Variants in LIPI observed in about 807,000 individuals in gnomAD.
The protein encoded by LIPI is lipase I, also known as lipase member I.
LIPI carries 59 observed loss-of-function variants against 50.6 expected under a neutral mutation model. The observed-to-expected ratio is 1.16, with a 90% CI of 0.94 to 1.45. LIPI has a LOEUF of 1.45. Ranked by LOEUF, LIPI falls within the 40% of genes most tolerant of loss-of-function variation. LIPI has a pLI of 0.00. For synonymous variants in LIPI, 203 were observed against 178.2 expected (o/e 1.14, Z -1.11); for missense variants, 586 against 536.3 (o/e 1.09, Z -0.92).
At chr21:14,169,866 A>G (rs1321026369) in intron 4 of LIPI, among the ~76,000 whole-genome samples, 1 of 152,196 alleles carries the variant, frequency 6.6e-6, no homozygotes, top group Admixed American at 6.5e-5. Context: ...CTAAAATCAG[A>G]GCAGAACTGA....
At position 14,116,867 on chromosome 21, in the gene LIPI, A is replaced by G. The variant is rs181345567; in HGVS notation, c.1296-7787T>C. Among the ~76,000 whole-genome samples, 5 of 152,300 alleles carry G rather than the reference A, an allele frequency of 3.3e-5. No individual in the cohort carries two copies. The East Asian group carries it at 9.7e-4, about 29-fold the overall frequency. On this transcript the variant is annotated intron_variant, in intron 9 of 9. Transcript: ENST00000681601. ...AGGCCCAGGAGAAAGAGTAGCAAGG[A>G]CAACAGGAAAAGCCTGTCCTACAGG...
chr21:14,196,579 A>C lies in LIPI; in HGVS notation c.47-7160T>G, dbSNP rs191361830. 3.2e-4 allele frequency among the ~76,000 whole-genome samples: 48 copies of C among 152,252 alleles called. 1 individual carries two copies. The highest frequency in any genetic ancestry group is 3.1e-3 in the Admixed American group (48 of 15,276). Reference sequence around the variant, plus strand: ...CAGTGGCTCACATCTGTAATCCCAGAACTCTGGGAGGCCAAGGCAGGAGAA... The same window carrying C: ...CAGTGGCTCACATCTGTAATCCCAGCACTCTGGGAGGCCAAGGCAGGAGAA... On this transcript the variant is annotated intron_variant, in intron 1 of 9. Transcript: ENST00000681601.
At chr21:14,154,289 T>C (rs376440029) in intron 7 of LIPI, among the ~76,000 whole-genome samples, 3 of 152,270 alleles carry the variant, frequency 2.0e-5, no homozygotes, top group East Asian at 3.9e-4. Flanking sequence ...GTATTTTCAA[T>C]GTGCTGAGCA....
chr21:14,149,784 T>C (rs1389109752), intron 8 of LIPI, among the ~76,000 whole-genome samples: 1 of 152,144 alleles, frequency 6.6e-6, no homozygotes, highest in Non-Finnish European at 1.5e-5. Flanking sequence ...TGTCTCACAT[T>C]CAGGACACGC....
chr21:14,204,006 T>C (rs1256229613), intron 1 of LIPI, among the ~76,000 whole-genome samples: 1 of 151,920 alleles, frequency 6.6e-6, no homozygotes, highest in Non-Finnish European at 1.5e-5. Flanking sequence ...AAATGCCACA[T>C]GTTCTCACTT....
intron 8 of LIPI, among the ~76,000 whole-genome samples, chr21:14,150,143 A>G (rs2018039363): frequency 1.3e-5 from 2 of 152,154 alleles, no homozygotes; most frequent in Admixed American, 1.3e-4. Flanking sequence ...ATCTAGGTGG[A>G]GGTTCCCAAA....
intron 7 of LIPI, among the ~76,000 whole-genome samples, chr21:14,156,566 T>G (rs1263197099): frequency 1.3e-5 from 2 of 151,958 alleles, no homozygotes; most frequent in African/African-American, 4.8e-5. Context: ...TACCGAACTT[T>G]AAGATAGTAT....
At position 14,189,439 on chromosome 21, in the gene LIPI, G is replaced by A. The variant is rs768724060; in HGVS notation, c.47-20C>T. 2 of 1,604,688 alleles carry A rather than the reference G, an allele frequency of 1.2e-6. No homozygotes were observed. The highest frequency in any genetic ancestry group is 1.7e-6 in the Non-Finnish European group (2 of 1,172,114). On this transcript the variant is annotated intron_variant, in intron 1 of 9. Coordinates refer to ENST00000681601, the MANE Select transcript of LIPI (RefSeq NM_001302998.2). The stretch of plus-strand genomic sequence containing the variant: ...TATTATCTGAAATAAGAAAATGTCA[G>A]TCAAGCTGAGTACTGGGATAGTATT...
chr21:14,166,881 C>A (rs985437135), intron 4 of LIPI, among the ~76,000 whole-genome samples: 6 of 152,182 alleles, frequency 3.9e-5, no homozygotes, highest in Admixed American at 3.9e-4. Flanking sequence ...GGGTGCAGCG[C>A]ACCATGTGCA....
chr21:14,173,203 G>C (rs2018981288), intron 4 of LIPI, among the ~76,000 whole-genome samples: 1 of 152,196 alleles, frequency 6.6e-6, no homozygotes, highest in South Asian at 2.1e-4. Flanking sequence ...GTGTAAGAGG[G>C]AGCTTCGGAG....
At position 14,151,112 on chromosome 21, in the gene LIPI, G is replaced by A. The variant is rs1351869168; in HGVS notation, c.1118+1461C>T. On this transcript the variant is annotated intron_variant, in intron 8 of 9. Transcript: ENST00000681601. The stretch of plus-strand genomic sequence containing the variant: ...GGTTTTTATGTTACTTCAGTACACA[G>A]GTATTTTATATTTTCGTTATGGTGA... Among the ~76,000 whole-genome samples the A allele has an allele frequency of 2.0e-5, 3 of 152,054 alleles. No homozygotes were observed. In the East Asian group the frequency reaches 5.8e-4, roughly 29 times the overall value.
intron 9 of LIPI, among the ~76,000 whole-genome samples, chr21:14,123,770 A>T (rs1257813759): frequency 6.6e-6 from 1 of 152,116 alleles, no homozygotes; most frequent in Non-Finnish European, 1.5e-5. Flanking sequence ...AGTACTAGAG[A>T]TCATAGTCAA....
intron 9 of LIPI, among the ~76,000 whole-genome samples, chr21:14,136,195 G>T (rs1600849176): frequency 6.6e-6 from 1 of 152,262 alleles, no homozygotes; most frequent in African/African-American, 2.4e-5. Flanking sequence ...GAGGGCCTTG[G>T]CGAGCCTCAG....
chr21:14,176,599 A>C (rs1016593204), intron 4 of LIPI, among the ~76,000 whole-genome samples: 1 of 151,144 alleles, frequency 6.6e-6, no homozygotes, highest in African/African-American at 2.4e-5. Context: ...TTTTAGTTAT[A>C]TTTTTGTTAT....
chr21:14,126,752 A>G (rs2122973120), intron 9 of LIPI, among the ~76,000 whole-genome samples: 1 of 152,324 alleles, frequency 6.6e-6, no homozygotes, highest in South Asian at 2.1e-4. Flanking sequence ...TTGTATACAC[A>G]GGGTTCCTGA....
At chr21:14,146,928 G>T (rs571385961) in intron 8 of LIPI, among the ~76,000 whole-genome samples, 8 of 151,640 alleles carry the variant, frequency 5.3e-5, no homozygotes, top group Admixed American at 5.3e-4. Flanking sequence ...ACAGGCACAC[G>T]CCACCACACC....
At chr21:14,117,262 C>T (rs549654159) in intron 9 of LIPI, among the ~76,000 whole-genome samples, 6 of 152,304 alleles carry the variant, frequency 3.9e-5, no homozygotes, top group Non-Finnish European at 7.3e-5. Context: ...CCCTCCTATA[C>T]GGAAAAACCC....
rs536681551 is a variant in LIPI at position 14,115,488 on chromosome 21, C to T, written c.1296-6408G>A. Among the ~76,000 whole-genome samples, 9 of 152,264 alleles carry T rather than the reference C, an allele frequency of 5.9e-5. No homozygotes were observed. In the South Asian group the frequency reaches 1.7e-3, roughly 28 times the overall value. On this transcript the variant is annotated intron_variant, in intron 9 of 9. Transcript: ENST00000681601. The stretch of plus-strand genomic sequence containing the variant: ...TGATCACCTTTTAATAAAGACCTTT[C>T]CTGAACTCTGTTCGATCTCTCTTAT...
At chr21:14,117,469 A>G (rs985934627) in intron 9 of LIPI, among the ~76,000 whole-genome samples, 2 of 152,214 alleles carry the variant, frequency 1.3e-5, no homozygotes, top group African/African-American at 4.8e-5. Flanking sequence ...GACTTTACCA[A>G]TAGAAACTGA....
Sources: gnomAD v4.1 joint callset for allele counts (sites outside exome capture counted in the v4.1 genomes callset) on GRCh38, gnomAD v4.1.1 for gene constraint, MANE v1.5 for transcripts, NCBI Gene and HGNC (gene_info 2026-07-23, HGNC 2026-07-21) for gene names.